Variants in NPTN observed in about 807,000 individuals in gnomAD.
The protein encoded by NPTN is neuroplastin, also known as SDR-1.
In NPTN, 5 loss-of-function variants were observed where a neutral mutation model predicts 42.7. That is an observed-to-expected ratio of 0.12 (90% CI 0.06 to 0.25). The LOEUF (loss-of-function observed/expected upper bound fraction) is 0.25. Among genes scored for constraint, NPTN ranks in the 10% least tolerant of loss-of-function variants. NPTN has a pLI of 1.00. For missense variants in NPTN, 307 were observed against 525.4 expected (o/e 0.58, Z 4.06); for synonymous variants, 180 against 201.9 (o/e 0.89, Z 0.92).
In NPTN at chr15:73,570,640, C is replaced by T. The variant is rs758874026; in HGVS notation, c.841-217G>A. Among the ~76,000 whole-genome samples the T allele has an allele frequency of 6.6e-6, 1 of 152,248 alleles. No homozygotes were observed. Among genetic ancestry groups the T allele is most frequent in the Non-Finnish European group, 1.5e-5 (1 of 68,044 alleles). On this transcript the variant is annotated intron_variant, in intron 5 of 8. Coordinates refer to ENST00000345330, the MANE Select transcript of NPTN (RefSeq NM_012428.4). This position sits in a 1 kb window ranked among gnomAD's most constrained non-coding sequence, Gnocchi z 4.0. ...CCCTTACCATCGGTCCTCCAGACTT[C>T]CCCGACTTCCACGAAGTGAGTGCAG...
intron 4 of NPTN, among the ~76,000 whole-genome samples, chr15:73,578,657 C>T (rs1253086488): frequency 6.6e-6 from 1 of 152,112 alleles, no homozygotes; most frequent in Non-Finnish European, 1.5e-5. Flanking sequence ...AGGTCAAGGT[C>T]TAGAACATGG....
intron 4 of NPTN, among the ~76,000 whole-genome samples, chr15:73,585,224 C>G (rs1896257937): frequency 6.6e-6 from 1 of 152,206 alleles, no homozygotes; most frequent in African/African-American, 2.4e-5. Context: ...AGACTCCTTT[C>G]AGCCAAGAGG....
rs1406695201 is a variant in NPTN at position 73,570,462 on chromosome 15, A to G, written c.841-39T>C. 2.5e-6 allele frequency: 4 copies of G among 1,583,344 alleles called. No homozygotes were observed. Among genetic ancestry groups the G allele is most frequent in the African/African-American group, 1.3e-5 (1 of 74,488 alleles). ...AGAATACACAAAGGTGAGAGTGAGT[A>G]ACTGAGCTAATGTTCAAGAGAGGGT... On this transcript the variant is annotated intron_variant, in intron 5 of 8. Coordinates refer to ENST00000345330, the MANE Select transcript of NPTN (RefSeq NM_012428.4). This position sits in a 1 kb window ranked among gnomAD's most constrained non-coding sequence, Gnocchi z 4.0.
At chr15:73,567,220 C>T in intron 6 of NPTN, 1 of 985,182 alleles carries the variant, frequency 1.0e-6, no homozygotes, top group Non-Finnish European at 1.2e-6. Flanking sequence ...AATATGACGA[C>T]TGTGCATTCA....
intron 1 of NPTN, among the ~76,000 whole-genome samples, chr15:73,626,297 T>C (rs1898405276): frequency 6.6e-6 from 1 of 152,226 alleles, no homozygotes; most frequent in Non-Finnish European, 1.5e-5. Flanking sequence ...ACAGACACGG[T>C]TCTGCCTCCC....
chr15:73,570,302 G>A lies in NPTN; in HGVS notation c.962C>T (p.Ala321Val), dbSNP rs571333983. 6.2e-7 allele frequency: 1 copy of A among 1,614,272 alleles called. No individual in the cohort carries two copies. Among genetic ancestry groups the A allele is most frequent in the African/African-American group, 1.3e-5 (1 of 75,076 alleles). Residue 321 changes from alanine to valine, a missense_variant, in exon 6 of 9, where the codon GCC becomes GTC. This residue lies in a region of NPTN where 264 missense variants were observed against 491.1 expected (regional missense o/e 0.54). Transcript: ENST00000345330. This position sits in a 1 kb window ranked among gnomAD's most constrained non-coding sequence, Gnocchi z 4.0. ...AGTGACAACAGAGGCGGAGCCAATGGCGTTGGTGGCATTACATTCATACTC... is the reference window on the plus strand; with the variant it reads ...AGTGACAACAGAGGCGGAGCCAATGACGTTGGTGGCATTACATTCATACTC... The part of the protein sequence containing the change: ...PGEYECNATN[A>V]IGSASVVTVL...
In NPTN at chr15:73,573,812, G is replaced by A; in HGVS notation, c.707-17C>T. ...CAGGAGCGGCTGTGAGAAAGCGTTAGACGCAGTTACCACGGAAGTCTACTC... is the reference window on the plus strand; with the variant it reads ...CAGGAGCGGCTGTGAGAAAGCGTTAAACGCAGTTACCACGGAAGTCTACTC... On this transcript the variant is annotated splice_polypyrimidine_tract_variant and intron_variant, in intron 4 of 8. Coordinates refer to ENST00000345330, the MANE Select transcript of NPTN (RefSeq NM_012428.4). The A allele has an allele frequency of 6.2e-7, 1 of 1,604,612 alleles. No homozygotes were observed. The highest frequency in any genetic ancestry group is 8.5e-7 in the Non-Finnish European group (1 of 1,175,972).
At chr15:73,568,903 G>C (rs879453675) in intron 6 of NPTN, 4 of 985,526 alleles carry the variant, frequency 4.1e-6, no homozygotes, top group Non-Finnish European at 4.8e-6. Flanking sequence ...GGAAGGGGCT[G>C]TTGCTCTCAA....
intron 1 of NPTN, among the ~76,000 whole-genome samples, chr15:73,603,500 T>C (rs571927205): frequency 1.3e-5 from 2 of 152,314 alleles, no homozygotes; most frequent in Non-Finnish European, 2.9e-5. Flanking sequence ...TTCCTATCTT[T>C]AGAGCAAACT....
At chr15:73,595,086 A>C (rs969068289) in intron 2 of NPTN, among the ~76,000 whole-genome samples, 7 of 152,182 alleles carry the variant, frequency 4.6e-5, no homozygotes, top group African/African-American at 1.7e-4. Context: ...AACCACATGC[A>C]GACAATTCTA....
In NPTN at chr15:73,587,607, G is replaced by A. The variant is rs768925871; in HGVS notation, c.623C>T (p.Pro208Leu). ...GTATTCGCCTGAATCCTCAGCTCTC[G>A]GCTTATTGATCCTGCAGAGATGAGA... ...ASNMEYRINK[P>L]RAEDSGEYHC... The change falls in exon 4 of 9, where the codon CCG (proline) becomes CTG (leucine). Residue 208 changes from proline (P) to leucine (L), a missense_variant. By Grantham distance (98) the Pro-to-Leu change is moderately conservative (BLOSUM62 -3). Around this residue, in one of 2 missense-constraint regions of NPTN, gnomAD observed 264 missense variants for 491.1 expected, o/e 0.54. Transcript: ENST00000345330. 7.4e-6 allele frequency: 12 copies of A among 1,612,588 alleles called. No individual in the cohort carries two copies. The highest frequency in any genetic ancestry group is 3.3e-5 in the South Asian group (3 of 91,048).
intron 5 of NPTN, among the ~76,000 whole-genome samples, chr15:73,572,336 C>T (rs186252479): frequency 2.2e-4 from 34 of 152,234 alleles, no homozygotes; most frequent in Non-Finnish European, 4.6e-4. Flanking sequence ...CAGAGGAACG[C>T]TTGACACGCT....
intron 1 of NPTN, among the ~76,000 whole-genome samples, chr15:73,614,492 G>T (rs1012581741): frequency 1.3e-5 from 2 of 152,118 alleles, no homozygotes; most frequent in Admixed American, 1.3e-4. Context: ...AGATGTAATT[G>T]ATGAATTAAT....
chr15:73,561,698 C>CA (rs1235080458), intron 8 of NPTN, among the ~76,000 whole-genome samples, 198 bp downstream of exon 8: 2 of 151,958 alleles, frequency 1.3e-5, no homozygotes, highest in African/African-American at 2.4e-5. Context: ...CAAACAACAA[C>CA]AAAAAACAAC....
chr15:73,573,847 T>A (rs1465205951), intron 4 of NPTN, 52 bp from the exon 5 acceptor site: 5 of 1,592,810 alleles, frequency 3.1e-6, no homozygotes, highest in Non-Finnish European at 4.3e-6. Context: ...CCAAACAGGA[T>A]ACAAAGGCCC....
intron 1 of NPTN, among the ~76,000 whole-genome samples, chr15:73,618,322 C>T (rs896384432): frequency 6.6e-6 from 1 of 152,118 alleles, no homozygotes; most frequent in African/African-American, 2.4e-5. Context: ...AGTCATTAAA[C>T]AGCTATTAGG....
rs749695104 is a variant in NPTN, at chr15:73,597,377, G to A, written c.92-8C>T. 6.2e-7 allele frequency: 1 copy of A among 1,604,078 alleles called. No homozygotes were observed. The highest frequency in any genetic ancestry group is 8.5e-7 in the Non-Finnish European group (1 of 1,172,156). Reference sequence around the variant, plus strand: ...GCGACTTGACAAACCCAGCTAGAGGGAGGGGGAGCAGGAATGCAGTGACAG... The same window carrying A: ...GCGACTTGACAAACCCAGCTAGAGGAAGGGGGAGCAGGAATGCAGTGACAG... On this transcript the variant is annotated splice_polypyrimidine_tract_variant and splice_region_variant and intron_variant, in intron 1 of 8. Transcript: ENST00000345330. This position sits in a 1 kb window ranked among gnomAD's most constrained non-coding sequence, Gnocchi z 6.3.
intron 1 of NPTN, among the ~76,000 whole-genome samples, chr15:73,603,775 A>G (rs1897170459): frequency 6.6e-6 from 1 of 152,260 alleles, no homozygotes; most frequent in Non-Finnish European, 1.5e-5. Flanking sequence ...CTGTTAATTT[A>G]CAAAATATAA....
At chr15:73,579,327 A>G (rs1037181029) in intron 4 of NPTN, among the ~76,000 whole-genome samples, 6 of 151,992 alleles carry the variant, frequency 3.9e-5, no homozygotes, top group Non-Finnish European at 7.4e-5. Context: ...GCAGTAAAAG[A>G]GCAAGTCTGG....
Sources: allele counts gnomAD v4.1 joint callset (sites outside exome capture counted in the v4.1 genomes callset), GRCh38; gene constraint gnomAD v4.1.1; regional missense constraint gnomAD v4.1.1; non-coding constraint Gnocchi (gnomAD v3.1); transcripts MANE v1.5; gene names NCBI Gene and HGNC (gene_info 2026-07-23, HGNC 2026-07-21).